The following FOXP2 variants were observed in gnomAD, a reference collection of about 807,000 sequenced individuals.
FOXP2 encodes forkhead box P2.
A neutral mutation model predicts 115.8 loss-of-function variants in FOXP2; 12 were observed. The ratio of observed to expected loss-of-function variants is 0.10; its 90% CI spans 0.07 to 0.17. FOXP2 has a LOEUF of 0.17. Ranked by LOEUF, FOXP2 falls within the 10% of genes least tolerant of loss-of-function variation. The probability of loss-of-function intolerance (pLI) is 1.00; values close to 1 mark genes in which losing one functional copy is unlikely to be tolerated. For missense variants in FOXP2, 629 were observed against 843.5 expected (o/e 0.75, Z 3.15); for synonymous variants, 328 against 297.7 (o/e 1.10, Z -1.05).
intron 1 of FOXP2, among the ~76,000 whole-genome samples, chr7:114,127,609 G>T (rs1431919021): frequency 6.6e-6 from 1 of 152,166 alleles, no homozygotes; most frequent in East Asian, 1.9e-4. Flanking sequence ...GAAGGTATTA[G>T]ATTGATGAAG....
At chr7:114,639,702 A>T (rs1253030332) in intron 6 of FOXP2, among the ~76,000 whole-genome samples, 1 of 152,138 alleles carries the variant, frequency 6.6e-6, no homozygotes, top group African/African-American at 2.4e-5. Flanking sequence ...TTGGAAAGGG[A>T]GCAAATGTTT....
chr7:114,238,782 C>A (rs1046450852), intron 1 of FOXP2, among the ~76,000 whole-genome samples: 4 of 151,068 alleles, frequency 2.6e-5, no homozygotes, highest in Middle Eastern at 3.2e-3. Context: ...GGAAAAAAAC[C>A]AAAAAAACAA....
chr7:114,256,077 T>G (rs184509161), intron 1 of FOXP2, among the ~76,000 whole-genome samples: 20 of 152,282 alleles, frequency 1.3e-4, no homozygotes, highest in Non-Finnish European at 2.6e-4. Context: ...TTTTTAATCA[T>G]TGCCATTCTG....
At chr7:114,239,609 G>C (rs1335527924) in intron 1 of FOXP2, among the ~76,000 whole-genome samples, 1 of 152,146 alleles carries the variant, frequency 6.6e-6, no homozygotes, top group Non-Finnish European at 1.5e-5. Context: ...CTAGCCCAGT[G>C]AATGTGAATG....
chr7:114,197,644 A>G (rs1395355781), intron 1 of FOXP2, among the ~76,000 whole-genome samples: 1 of 152,178 alleles, frequency 6.6e-6, no homozygotes, highest in Non-Finnish European at 1.5e-5. Context: ...TTTTTTCTAT[A>G]TAAAACAAGA....
At chr7:114,507,785 A>G (rs1797893357) in intron 2 of FOXP2, among the ~76,000 whole-genome samples, 1 of 152,004 alleles carries the variant, frequency 6.6e-6, no homozygotes, top group African/African-American at 2.4e-5. Context: ...TATTAAAACT[A>G]TGTTCCATAG....
rs35505116 is a variant in FOXP2 at position 114,279,766 on chromosome 7, TA to T, written c.-101-8242del. Among the ~76,000 whole-genome samples, 479 of 144,834 alleles carry T rather than the reference TA, an allele frequency of 3.3e-3. 1 individual carries two copies. Among genetic ancestry groups the T allele is most frequent in the East Asian group, 0.011 (55 of 5,020 alleles). ...ATGTCTTAAACTTGTTATATTAGTT[TA>T]AAAAAAAAAAGCATTGTTGCTTAGC... On this transcript the variant is annotated intron_variant, in intron 1 of 17. Coordinates refer to the FOXP2 transcript ENST00000634411.
Position 114,631,561 on chromosome 7 carries a change from G to T in FOXP2, c.631G>T (p.Ala211Ser). 6.3e-7 allele frequency: 1 copy of T among 1,591,588 alleles called. No individual in the cohort carries two copies. The highest frequency in any genetic ancestry group is 8.6e-7 in the Non-Finnish European group (1 of 1,168,344). The change falls in exon 6 of 17, where the codon GCA becomes TCA. Residue 211 changes from alanine (A) to serine (S), a missense_variant. Physicochemically the swap from Ala to Ser is moderately conservative, Grantham distance 99 (BLOSUM62 1). Around this residue, in one of 9 missense-constraint regions of FOXP2, gnomAD observed 138 missense variants for 205.1 expected, o/e 0.67. Coordinates refer to ENST00000350908, the MANE Select transcript of FOXP2 (RefSeq NM_014491.4). ...GCAGCAGCAGCAGCAACAGCAATTG[G>T]CAGCCCAGCAGCTTGTCTTCCAGCA... Reference protein sequence around the residue: ...QQQQQQQQQLAAQQLVFQQQL... With the variant: ...QQQQQQQQQLSAQQLVFQQQL...
chr7:114,315,610 GCACACACACA>G (rs144465419), intron 2 of FOXP2, among the ~76,000 whole-genome samples: 4 of 146,006 alleles, frequency 2.7e-5, no homozygotes, highest in Non-Finnish European at 6.1e-5. Flanking sequence ...CACTATACAT[GCACACACACA>G]CACACACACA....
chr7:114,242,223 T>A (rs1249871677), intron 1 of FOXP2, among the ~76,000 whole-genome samples: 2 of 151,846 alleles, frequency 1.3e-5, no homozygotes, highest in Non-Finnish European at 2.9e-5. Context: ...AAGAAAAATA[T>A]ATGAAATGTG....
At chr7:114,472,132 C>T (rs373832915) in intron 2 of FOXP2, among the ~76,000 whole-genome samples, 2 of 152,036 alleles carry the variant, frequency 1.3e-5, no homozygotes, top group East Asian at 3.9e-4. Flanking sequence ...TAATGAGTAG[C>T]TGGGCTTACC....
At chr7:114,417,353 G>T (rs1367485198) in intron 1 of FOXP2, among the ~76,000 whole-genome samples, 1 of 151,904 alleles carries the variant, frequency 6.6e-6, no homozygotes, top group Non-Finnish European at 1.5e-5. Flanking sequence ...CTAAAACAAT[G>T]AATTTTAAAA....
chr7:114,284,570 C>T (rs1326567770), intron 1 of FOXP2, among the ~76,000 whole-genome samples: 3 of 152,074 alleles, frequency 2.0e-5, no homozygotes, highest in Non-Finnish European at 4.4e-5. Flanking sequence ...GCACCATAAT[C>T]TATGCTATGG....
At chr7:114,558,413 G>C (rs1296995411) in intron 3 of FOXP2, among the ~76,000 whole-genome samples, 2 of 152,076 alleles carry the variant, frequency 1.3e-5, no homozygotes, top group Non-Finnish European at 2.9e-5. Context: ...AAAGACAGGT[G>C]GTGTACACAA....
At chr7:114,178,422 T>C (rs770467906) in intron 1 of FOXP2, among the ~76,000 whole-genome samples, 2 of 151,946 alleles carry the variant, frequency 1.3e-5, no homozygotes, top group African/African-American at 4.8e-5. Flanking sequence ...CTTTGGAAAG[T>C]TTATGTAATT....
intron 3 of FOXP2, among the ~76,000 whole-genome samples, chr7:114,619,683 G>T (rs928648017): frequency 6.6e-6 from 1 of 151,634 alleles, no homozygotes; most frequent in African/African-American, 2.4e-5. Context: ...TCCTCCTTTG[G>T]GTCAAATTAT....
intron 2 of FOXP2, among the ~76,000 whole-genome samples, chr7:114,402,806 G>T (rs189246274): frequency 1.3e-5 from 2 of 151,736 alleles, no homozygotes; most frequent in Non-Finnish European, 1.5e-5. Context: ...ATTTTTGTTT[G>T]TTTGTTTGTT....
chr7:114,500,487 T>C (rs907844184), intron 2 of FOXP2, among the ~76,000 whole-genome samples: 1 of 152,078 alleles, frequency 6.6e-6, no homozygotes, highest in Non-Finnish European at 1.5e-5. Flanking sequence ...CCCATTCCTT[T>C]TAGATTATGT....
rs191804694 is a variant in FOXP2, at chr7:114,383,168, C to T, written c.-10-43334C>T. ...GATTTAGCAGTGATATTATATCTCT[C>T]CATGTCAGATTAAAGGATTGTCCTA... On this transcript the variant is annotated intron_variant, in intron 2 of 17. Coordinates refer to the FOXP2 transcript ENST00000634411. 5.3e-5 allele frequency among the ~76,000 whole-genome samples: 8 copies of T among 152,268 alleles called. No individual in the cohort carries two copies. The East Asian group carries it at 1.5e-3, about 29-fold the overall frequency.
Sources: gnomAD v4.1 joint callset for allele counts (sites outside exome capture counted in the v4.1 genomes callset) on GRCh38, gnomAD v4.1.1 for gene constraint, gnomAD v4.1.1 regional missense constraint, MANE v1.5 for transcripts, NCBI Gene and HGNC (gene_info 2026-07-23, HGNC 2026-07-21) for gene names.